Variants in CALB2 observed in about 807,000 individuals in gnomAD.
CALB2 encodes calbindin 2.
CALB2 carries 34 observed loss-of-function variants against 45.9 expected under a neutral mutation model. That is an observed-to-expected ratio of 0.74 (90% CI 0.56 to 0.99). The LOEUF is 0.99. Ranked by LOEUF, CALB2 falls within the 50% of genes least tolerant of loss-of-function variation. The pLI, the probability that CALB2 is intolerant of heterozygous loss-of-function variation, is 0.00. For synonymous variants in CALB2, 142 were observed against 129.6 expected (o/e 1.10, Z -0.65); for missense variants, 344 against 339.3 (o/e 1.01, Z -0.11).
chr16:71,383,218 G>A, intron 5 of CALB2, 149 bp from the exon 6 acceptor site: 1 of 766,454 alleles, frequency 1.3e-6, no homozygotes. Flanking sequence ...CCAAGAGTTA[G>A]GAATTATGAG....
intron 5 of CALB2, 80 bp from the exon 6 acceptor site, chr16:71,383,287 G>C (rs1177970435): frequency 4.8e-6 from 6 of 1,244,634 alleles, no homozygotes; most frequent in Non-Finnish European, 5.8e-6. Context: ...TTGAGAGACT[G>C]TCTGAATGAG....
At chr16:71,384,987 C>A in intron 9 of CALB2, 151 bp downstream of exon 9, 1 of 712,348 alleles carries the variant, frequency 1.4e-6, no homozygotes, top group Non-Finnish European at 2.5e-6. Context: ...TATGAGAAGG[C>A]AAATGTCATT....
In CALB2 at chr16:71,389,936, C is replaced by A; in HGVS notation, c.*71C>A. On this transcript the variant is annotated 3_prime_UTR_variant, in exon 11 of 11. Coordinates refer to ENST00000302628, the MANE Select transcript of CALB2 (RefSeq NM_001740.5). ...TGCTGCCCTGATGCGTCTACCCAGA[C>A]TCAGAGACCGTGAGCGCCCCGCCCC... 1 of 1,069,120 alleles carries A rather than the reference C, an allele frequency of 9.4e-7. No individual in the cohort carries two copies. Among genetic ancestry groups the A allele is most frequent in the Non-Finnish European group, 1.4e-6 (1 of 698,162 alleles). 66.2% of individuals were successfully genotyped at this position (1,069,120 alleles called of 1,614,324 possible).
intron 10 of CALB2, among the ~76,000 whole-genome samples, chr16:71,386,513 A>G (rs1301917492): frequency 6.6e-6 from 1 of 152,178 alleles, no homozygotes; most frequent in Non-Finnish European, 1.5e-5. Flanking sequence ...AGTGAACTCC[A>G]TTATTTTGCC....
At chr16:71,381,748 T>G (rs62055055) in intron 4 of CALB2, among the ~76,000 whole-genome samples, 20,408 of 151,928 alleles carry the variant, frequency 0.13, 1,482 homozygotes, top group South Asian at 0.19. Flanking sequence ...GCATGGTGGC[T>G]CATGCCTGTA....
At chr16:71,385,269 T>A (rs1306951248) in intron 9 of CALB2, 2 of 364,884 alleles carry the variant, frequency 5.5e-6, no homozygotes, top group Non-Finnish European at 1.0e-5. Context: ...ATAACCAGTG[T>A]TGGAGGTAAA....
chr16:71,377,821 C>T (rs915303683), intron 4 of CALB2, 74 bp downstream of exon 4: 2 of 1,064,360 alleles, frequency 1.9e-6, no homozygotes, highest in Admixed American at 1.8e-5. Flanking sequence ...CAGGCCCACC[C>T]TCCTGCCTGG....
chr16:71,385,229 C>T (rs1017545185), intron 9 of CALB2: 4 of 342,254 alleles, frequency 1.2e-5, no homozygotes, highest in Non-Finnish European at 2.2e-5. Context: ...TGGGCTGTCC[C>T]CTGCCCACAT....
chr16:71,371,834 G>A (rs1393908800), intron 1 of CALB2, among the ~76,000 whole-genome samples: 1 of 152,182 alleles, frequency 6.6e-6, no homozygotes, highest in Non-Finnish European at 1.5e-5. Flanking sequence ...CTGATGACCT[G>A]TCACACCTCT....
intron 4 of CALB2, among the ~76,000 whole-genome samples, chr16:71,380,292 CTTTTTTTTTTTTTT>C (rs544138378): frequency 1.1e-4 from 5 of 43,822 alleles, no homozygotes; most frequent in Admixed American, 4.4e-4. Flanking sequence ...CCTTCCTTTT[CTTTTTTTTTTTTTT>C]TTTTTTTTTT....
intron 1 of CALB2, among the ~76,000 whole-genome samples, chr16:71,360,496 A>C (rs1460399300): frequency 6.6e-6 from 1 of 152,214 alleles, no homozygotes; most frequent in African/African-American, 2.4e-5. Flanking sequence ...GCAGCCTTTT[A>C]GTATTCCAGA....
Position 71,385,591 on chromosome 16 carries a change from C to T in CALB2, c.642C>T (p.Tyr214=), listed in dbSNP as rs754914035. The change falls in exon 10 of 11, where the codon TAC becomes TAT. Residue 214 remains tyrosine, a synonymous_variant. Transcript: ENST00000302628. ...CCCATCCCCAGGATAGAAGCGGCTA[C>T]ATTGACGAGCATGAGCTGGATGCCC... ...FTFYDKDRSG[Y]IDEHELDALL... is the part of the protein sequence containing the mutation. 1 of 1,614,044 alleles carries T rather than the reference C, an allele frequency of 6.2e-7. No homozygotes were observed. The highest frequency in any genetic ancestry group is 1.1e-5 in the South Asian group (1 of 91,080).
intron 1 of CALB2, among the ~76,000 whole-genome samples, chr16:71,369,398 C>G (rs1042538635): frequency 2.5e-4 from 38 of 152,108 alleles, no homozygotes; most frequent in African/African-American, 8.0e-4. Flanking sequence ...TCTGCCGCCC[C>G]CCAAATGGTA....
chr16:71,360,016 G>A (rs2042223417), intron 1 of CALB2, among the ~76,000 whole-genome samples: 1 of 152,234 alleles, frequency 6.6e-6, no homozygotes, highest in Non-Finnish European at 1.5e-5. Flanking sequence ...GCCCCCCAGG[G>A]GGCCAGGCTC....
At position 71,378,882 on chromosome 16, in the gene CALB2, G is replaced by A. The variant is rs536584280; in HGVS notation, c.342+1135G>A. On this transcript the variant is annotated intron_variant, in intron 4 of 10. Transcript: ENST00000302628. ...GCAGGCTAGAGAAGGATGGACTTAT[G>A]TACGATTCTATAGCTACAAAAGTCC... Among the ~76,000 whole-genome samples the A allele has an allele frequency of 3.3e-5, 5 of 152,330 alleles. No individual in the cohort carries two copies. The East Asian group carries it at 9.6e-4, about 29-fold the overall frequency.
intron 2 of CALB2, among the ~76,000 whole-genome samples, chr16:71,372,870 A>G (rs183428036): frequency 1.4e-4 from 21 of 152,344 alleles, no homozygotes; most frequent in African/African-American, 4.8e-4. Context: ...TAGAATCCCC[A>G]GCAAGGAACT....
intron 1 of CALB2, among the ~76,000 whole-genome samples, chr16:71,360,079 G>A (rs751376868): frequency 1.4e-4 from 22 of 152,240 alleles, no homozygotes; most frequent in Non-Finnish European, 2.5e-4. Context: ...AGATCTGTGT[G>A]GGATGACAGG....
chr16:71,382,032 G>GAGGAGGAGGAGGAGGAGT (rs2042498928), intron 4 of CALB2, among the ~76,000 whole-genome samples: 1 of 128,202 alleles, frequency 7.8e-6, no homozygotes, highest in Non-Finnish European at 1.7e-5. Context: ...GGAGGAGGAG[G>GAGGAGGAGGAGGAGGAGT]AGGAGGAGGA....
At chr16:71,373,480 G>A (rs552081933) in intron 2 of CALB2, among the ~76,000 whole-genome samples, 9 of 152,282 alleles carry the variant, frequency 5.9e-5, no homozygotes, top group Admixed American at 1.3e-4. Flanking sequence ...TGGGCTAGTC[G>A]GAGAAATGTG....
Sources: allele counts gnomAD v4.1 joint callset (sites outside exome capture counted in the v4.1 genomes callset), GRCh38; gene constraint gnomAD v4.1.1; transcripts MANE v1.5; gene names NCBI Gene and HGNC (gene_info 2026-07-23, HGNC 2026-07-21).